RFFL: variants seen among roughly 807,000 people sequenced by gnomAD.
RFFL encodes the protein E3 ubiquitin-protein ligase rififylin.
Under a neutral mutation model 40.4 loss-of-function variants are expected in RFFL, and 16 were observed. The ratio of observed to expected loss-of-function variants is 0.40; its 90% CI spans 0.27 to 0.60. The LOEUF (loss-of-function observed/expected upper bound fraction) is 0.60. Among genes scored for constraint, RFFL ranks in the 20% least tolerant of loss-of-function variants. The pLI, the probability that RFFL is intolerant of heterozygous loss-of-function variation, is 0.47. For synonymous variants in RFFL, 154 were observed against 167.9 expected (o/e 0.92, Z 0.64); for missense variants, 367 against 451.7 (o/e 0.81, Z 1.70).
chr17:35,084,101 C>T (rs1444461179), intron 1 of RFFL, among the ~76,000 whole-genome samples: 2 of 151,364 alleles, frequency 1.3e-5, no homozygotes, highest in Non-Finnish European at 2.9e-5. Flanking sequence ...TAGCCGGGCG[C>T]AGTGGCGCGT....
At chr17:35,081,722 C>G (rs2091403895) in intron 1 of RFFL, among the ~76,000 whole-genome samples, 1 of 151,958 alleles carries the variant, frequency 6.6e-6, no homozygotes, top group Non-Finnish European at 1.5e-5. Flanking sequence ...AAAATCACCC[C>G]TCAAAAAATC....
chr17:35,020,510 C>A (rs8067493), intron 3 of RFFL, among the ~76,000 whole-genome samples: 9,840 of 151,018 alleles, frequency 0.065, 979 homozygotes, highest in African/African-American at 0.21. Flanking sequence ...AGTTTCATCC[C>A]AAAACCAACG....
intron 3 of RFFL, among the ~76,000 whole-genome samples, chr17:35,018,311 T>C (rs1006018070): frequency 6.6e-6 from 1 of 152,236 alleles, no homozygotes; most frequent in Non-Finnish European, 1.5e-5. Flanking sequence ...CCTAACACTA[T>C]ATAAAACACT....
Position 35,007,406 on chromosome 17 carries a change from T to C in RFFL, c.*4562A>G, listed in dbSNP as rs2090902978. ...TATTTCAATGCAGCCCTCAACATCA[T>C]CATCATAAATCTCTCCAGCAGAATG... On this transcript the variant is annotated 3_prime_UTR_variant, in exon 7 of 7. Coordinates refer to ENST00000394597, the MANE Select transcript of RFFL (RefSeq NM_001017368.2). 1 of 152,202 alleles carries C rather than the reference T, an allele frequency of 6.6e-6. No homozygotes were observed. Among genetic ancestry groups the C allele is most frequent in the African/African-American group, 2.4e-5 (1 of 41,440 alleles). 9.4% of individuals were successfully genotyped at this position (152,202 alleles called of 1,614,324 possible). A position where few individuals can be genotyped will look rare whatever the true frequency, so the allele number is the denominator to read the frequency against.
intron 1 of RFFL, among the ~76,000 whole-genome samples, chr17:35,040,164 T>C (rs990126394): frequency 7.9e-5 from 12 of 152,154 alleles, no homozygotes; most frequent in Non-Finnish European, 1.5e-4. Context: ...TAAACATCTC[T>C]TAGCTTCTAG....
chr17:35,024,053 T>G (rs1009602989), intron 2 of RFFL, among the ~76,000 whole-genome samples: 1 of 152,284 alleles, frequency 6.6e-6, no homozygotes, highest in South Asian at 2.1e-4. Flanking sequence ...CCAGGTAGCA[T>G]GAAAGATGAA....
intron 1 of RFFL, among the ~76,000 whole-genome samples, chr17:35,085,626 A>G (rs563996082): frequency 7.0e-4 from 107 of 152,280 alleles, no homozygotes; most frequent in Non-Finnish European, 1.4e-3. Context: ...ACAGGGTTTC[A>G]CCATATTGGT....
intron 6 of RFFL, 61 bp downstream of exon 6, chr17:35,014,679 G>A: frequency 6.8e-7 from 1 of 1,476,334 alleles, no homozygotes; most frequent in Admixed American, 1.7e-5. Context: ...AGGGATTGGG[G>A]TTGAAGGAGG....
At chr17:35,035,098 A>T (rs1341121952) in intron 1 of RFFL, among the ~76,000 whole-genome samples, 1 of 152,160 alleles carries the variant, frequency 6.6e-6, no homozygotes, top group African/African-American at 2.4e-5. Flanking sequence ...AGCCTATTCA[A>T]GTCATCTGGC....
At position 35,059,339 on chromosome 17, in the gene RFFL, T is replaced by A. The variant is rs548246933; in HGVS notation, c.-9+4237A>T. On this transcript the variant is annotated intron_variant, in intron 1 of 6. Transcript: ENST00000394597. ...CGGCCACTCGATATAGGTTTATAAG[T>A]GATGAGAGACCAAGAAAGAGAACTC... 3.3e-5 allele frequency among the ~76,000 whole-genome samples: 5 copies of A among 152,154 alleles called. No individual in the cohort carries two copies. In the South Asian group the frequency reaches 1.0e-3, roughly 32 times the overall value.
intron 1 of RFFL, chr17:35,089,052 T>TCCCCAGGCCGGGCGCCCAGCGGC (rs1311970924): frequency 2.0e-5 from 3 of 153,424 alleles, no homozygotes; most frequent in African/African-American, 7.3e-5. Flanking sequence ...TTCCCGTCCT[T>TCCCCAGGCCGGGCGCCCAGCGGC]CCCCAGGCCG....
intron 1 of RFFL, among the ~76,000 whole-genome samples, chr17:35,056,965 G>A (rs1258909674): frequency 1.3e-5 from 2 of 151,242 alleles, no homozygotes; most frequent in Non-Finnish European, 2.9e-5. Flanking sequence ...ACCCAGGCTG[G>A]AGTACAGTGG....
chr17:35,061,931 C>T (rs576787009), intron 1 of RFFL, among the ~76,000 whole-genome samples: 2 of 151,954 alleles, frequency 1.3e-5, no homozygotes, highest in South Asian at 4.2e-4. Flanking sequence ...CTGCCCACCT[C>T]GGCCTCCCAA....
chr17:35,087,289 T>TGA (rs2091436133), intron 1 of RFFL, among the ~76,000 whole-genome samples: 1 of 151,648 alleles, frequency 6.6e-6, no homozygotes, highest in Admixed American at 6.6e-5. Flanking sequence ...AGGTCAAGGC[T>TGA]GCAGTGAGCC....
chr17:35,043,848 C>A (rs1203542035), intron 1 of RFFL, among the ~76,000 whole-genome samples: 1 of 152,142 alleles, frequency 6.6e-6, no homozygotes, highest in East Asian at 1.9e-4. Context: ...GTACCTTAAG[C>A]ACCTTGTAAA....
chr17:35,086,251 G>C (rs557012703), intron 1 of RFFL, among the ~76,000 whole-genome samples: 1 of 152,056 alleles, frequency 6.6e-6, no homozygotes, highest in Non-Finnish European at 1.5e-5. Flanking sequence ...TTGGGAGGCC[G>C]AGGCCAGAGG....
At chr17:35,014,709 A>C in intron 6 of RFFL, 31 bp downstream of exon 6, 2 of 1,605,968 alleles carry the variant, frequency 1.2e-6, no homozygotes, top group Non-Finnish European at 1.7e-6. Context: ...AAAGGGCCTA[A>C]GCCCATTCCC....
Position 35,017,542 on chromosome 17 carries a change from G to A in RFFL, c.656C>T (p.Pro219Leu). Residue 219 changes from proline to leucine, a missense_variant, in exon 4 of 7, where the codon CCT (proline) becomes CTT (leucine). Physicochemically the swap from Pro to Leu is moderately conservative, Grantham distance 98 (BLOSUM62 -3). Coordinates refer to ENST00000394597, the MANE Select transcript of RFFL (RefSeq NM_001017368.2). ...CCCCACCTGGGTCTCATCCTCAGCA[G>A]GTACTCTGGCCACGCTCTCCAGGTA... ...PVYLESVARVPAEDETQSIDS... is the reference protein window; with the variant it reads ...PVYLESVARVLAEDETQSIDS... The A allele has an allele frequency of 6.2e-7, 1 of 1,610,720 alleles. No individual in the cohort carries two copies. The highest frequency in any genetic ancestry group is 8.5e-7 in the Non-Finnish European group (1 of 1,178,298).
intron 1 of RFFL, among the ~76,000 whole-genome samples, chr17:35,035,179 G>A (rs1459878571): frequency 6.6e-6 from 1 of 152,156 alleles, no homozygotes; most frequent in East Asian, 1.9e-4. Flanking sequence ...TGAGGCTGAG[G>A]TGGGTGGATC....
Sources: gnomAD v4.1 joint callset for allele counts (sites outside exome capture counted in the v4.1 genomes callset) on GRCh38, gnomAD v4.1.1 for gene constraint, MANE v1.5 for transcripts, NCBI Gene and HGNC (gene_info 2026-07-23, HGNC 2026-07-21) for gene names.